Variants in PTPRM observed in about 807,000 individuals in gnomAD.
PTPRM encodes protein tyrosine phosphatase receptor type M.
A neutral mutation model predicts 186.7 loss-of-function variants in PTPRM; 47 were observed. The ratio of observed to expected loss-of-function variants is 0.25; its 90% CI spans 0.20 to 0.32. The LOEUF is 0.32. Among genes scored for constraint, PTPRM ranks in the 10% least tolerant of loss-of-function variants. The pLI, the probability that PTPRM is intolerant of heterozygous loss-of-function variation, is 1.00. For missense variants in PTPRM, 1,494 were observed against 1,865.0 expected (o/e 0.80, Z 3.66); for synonymous variants, 668 against 674.9 (o/e 0.99, Z 0.16).
chr18:8,077,445 G>A (rs189274584), intron 9 of PTPRM, among the ~76,000 whole-genome samples: 348 of 152,058 alleles, frequency 2.3e-3, no homozygotes, highest in African/African-American at 7.9e-3. Flanking sequence ...TTGAAAATTG[G>A]TATTGAAACA....
intron 14 of PTPRM, among the ~76,000 whole-genome samples, chr18:8,187,014 C>T (rs908046103): frequency 6.6e-6 from 1 of 151,464 alleles, no homozygotes; most frequent in East Asian, 2.0e-4. Context: ...GATCTTGGCG[C>T]ACTGCAACCT....
At chr18:7,960,773 C>G (rs1404414238) in intron 7 of PTPRM, among the ~76,000 whole-genome samples, 2 of 150,646 alleles carry the variant, frequency 1.3e-5, no homozygotes, top group Non-Finnish European at 3.0e-5. Context: ...ATATATTACT[C>G]ACATACCTAC....
At chr18:8,004,018 G>A (rs1450791008) in intron 7 of PTPRM, among the ~76,000 whole-genome samples, 1 of 152,144 alleles carries the variant, frequency 6.6e-6, no homozygotes, top group Non-Finnish European at 1.5e-5. Context: ...TGTTGACTAT[G>A]TGGAAATTCC....
chr18:8,240,784 GAGAGAGAGAGAGA>G (rs2094421446), intron 14 of PTPRM, among the ~76,000 whole-genome samples: 1 of 28,072 alleles, frequency 3.6e-5, no homozygotes, highest in African/African-American at 2.3e-4. Context: ...GAGGGAGAGA[GAGAGAGAGAGAGA>G]GAGAGAGAGA....
chr18:7,970,676 G>T (rs2054463209), intron 7 of PTPRM, among the ~76,000 whole-genome samples: 2 of 84,224 alleles, frequency 2.4e-5, no homozygotes, highest in African/African-American at 5.8e-5. Flanking sequence ...CAGACAAACA[G>T]AGAGCCAAAT....
rs201042014 is a variant in PTPRM at position 8,289,559 on chromosome 18, TAC to T, written c.2755-6805_2755-6804del. On this transcript the variant is annotated intron_variant, in intron 19 of 32. Transcript: ENST00000580170. Reference sequence around the variant, plus strand: ...ACACATATATATATATACATATATATACACATATATATATATACATATATATA... The same window carrying T: ...ACACATATATATATATACATATATATACATATATATATATACATATATATA... 7.9e-3 allele frequency among the ~76,000 whole-genome samples: 801 copies of T among 101,138 alleles called. 42 individuals are homozygous for T. The highest frequency in any genetic ancestry group is 0.032 in the African/African-American group (694 of 21,988). 66.4% of individuals were successfully genotyped at this position (101,138 alleles called of 152,430 possible). A position where few individuals can be genotyped will look rare whatever the true frequency, so the allele number is the denominator to read the frequency against.
At chr18:7,738,379 C>T (rs975847979) in intron 1 of PTPRM, among the ~76,000 whole-genome samples, 5 of 151,876 alleles carry the variant, frequency 3.3e-5, no homozygotes, top group African/African-American at 9.7e-5. Context: ...GGCCAGTTGG[C>T]GAGAGGTCAG....
At chr18:7,678,299 C>A (rs1444646518) in intron 1 of PTPRM, among the ~76,000 whole-genome samples, 1 of 152,184 alleles carries the variant, frequency 6.6e-6, no homozygotes, top group African/African-American at 2.4e-5. Context: ...CTCCTGTTGA[C>A]ACCTATTTCT....
At chr18:7,919,124 G>T (rs1334334533) in intron 4 of PTPRM, among the ~76,000 whole-genome samples, 1 of 152,062 alleles carries the variant, frequency 6.6e-6, no homozygotes, top group African/African-American at 2.4e-5. Flanking sequence ...TTTATTACTG[G>T]GTTCTCTGTT....
chr18:8,340,356 T>C (rs914068791), intron 22 of PTPRM, among the ~76,000 whole-genome samples: 2 of 152,172 alleles, frequency 1.3e-5, no homozygotes, highest in Non-Finnish European at 1.5e-5. Context: ...AATTTTAGCA[T>C]TGAAAAGAAT....
chr18:8,003,487 C>T (rs2083991675), intron 7 of PTPRM, among the ~76,000 whole-genome samples: 1 of 152,156 alleles, frequency 6.6e-6, no homozygotes, highest in Non-Finnish European at 1.5e-5. Flanking sequence ...AATTATTCTC[C>T]AGATTTAGAA....
At chr18:7,988,562 C>T (rs2083092357) in intron 7 of PTPRM, among the ~76,000 whole-genome samples, 1 of 152,136 alleles carries the variant, frequency 6.6e-6, no homozygotes, top group African/African-American at 2.4e-5. Flanking sequence ...ACGACAACCT[C>T]CACTCCTCCC....
At chr18:7,578,797 C>G (rs1449722516) in intron 1 of PTPRM, among the ~76,000 whole-genome samples, 2 of 152,086 alleles carry the variant, frequency 1.3e-5, no homozygotes, top group Non-Finnish European at 2.9e-5. Context: ...ATTGCAAAGA[C>G]TAAATCAGAG....
intron 7 of PTPRM, among the ~76,000 whole-genome samples, chr18:8,013,247 CAATCTGTTTTA>C (rs1210577540): frequency 2.0e-5 from 3 of 151,844 alleles, no homozygotes; most frequent in African/African-American, 7.3e-5. Flanking sequence ...TATTATGAAC[CAATCTGTTTTA>C]GTTAACCCTT....
At chr18:7,745,203 A>G (rs939049150) in intron 1 of PTPRM, among the ~76,000 whole-genome samples, 5 of 152,202 alleles carry the variant, frequency 3.3e-5, no homozygotes, top group African/African-American at 1.2e-4. Flanking sequence ...TCATCAGTCA[A>G]TGGCAATACG....
At chr18:7,926,802 A>G (rs1463082625) in intron 5 of PTPRM, 119 bp downstream of exon 5, 4 of 558,826 alleles carry the variant, frequency 7.2e-6, no homozygotes, top group Non-Finnish European at 8.8e-6. Flanking sequence ...TTCTTTGTTA[A>G]TAAGTAGCCA....
chr18:8,107,609 G>C (rs937823419), intron 11 of PTPRM, among the ~76,000 whole-genome samples: 2 of 152,194 alleles, frequency 1.3e-5, no homozygotes, highest in African/African-American at 4.8e-5. Context: ...TCCTTGTTAT[G>C]AGTTACGGCT....
intron 1 of PTPRM, among the ~76,000 whole-genome samples, chr18:7,766,355 A>AGG (rs2042014202): frequency 6.6e-6 from 1 of 152,240 alleles, no homozygotes; most frequent in Non-Finnish European, 1.5e-5. Flanking sequence ...GTACAAGCTA[A>AGG]GGAGAGCATT....
At chr18:8,324,770 G>A (rs1301515876) in intron 22 of PTPRM, among the ~76,000 whole-genome samples, 1 of 152,176 alleles carries the variant, frequency 6.6e-6, no homozygotes, top group African/African-American at 2.4e-5. Flanking sequence ...AAAGAAACTT[G>A]AAATAATATG....
Sources: allele counts gnomAD v4.1 joint callset (sites outside exome capture counted in the v4.1 genomes callset), GRCh38; gene constraint gnomAD v4.1.1; transcripts MANE v1.5; gene names NCBI Gene and HGNC (gene_info 2026-07-23, HGNC 2026-07-21).